Variants in CD59 observed in about 807,000 individuals in gnomAD.
The protein encoded by CD59 is CD59 molecule (CD59 blood group).
Under a neutral mutation model 7.0 loss-of-function variants are expected in CD59, and 3 were observed. The observed-to-expected ratio is 0.43, with a 90% CI of 0.19 to 1.10. The LOEUF (loss-of-function observed/expected upper bound fraction) is 1.10. Ranked by LOEUF, CD59 falls within the 50% of genes least tolerant of loss-of-function variation. CD59 has a pLI of 0.29. For synonymous variants in CD59, 60 were observed against 62.0 expected, an observed-to-expected ratio of 0.97 and a Z score of 0.15; for missense variants, 143 against 151.0, an observed-to-expected ratio of 0.95 and a Z score of 0.28.
At chr11:33,730,215 G>A (rs1854376184) in intron 1 of CD59, among the ~76,000 whole-genome samples, 1 of 151,808 alleles carries the variant, frequency 6.6e-6, no homozygotes, top group African/African-American at 2.4e-5. Flanking sequence ...GATTGCTTGA[G>A]CCAAGAGTTT....
rs541886702 is a variant in CD59, at chr11:33,703,788, G to C, written c.*6338C>G. 1.3e-5 allele frequency: 2 copies of C among 152,390 alleles called. No individual in the cohort carries two copies. The highest frequency in any genetic ancestry group is 3.9e-4 in the East Asian group (2 of 5,192). 9.4% of individuals were successfully genotyped at this position (152,390 alleles called of 1,614,324 possible). On this transcript the variant is annotated 3_prime_UTR_variant, in exon 4 of 4. Coordinates refer to ENST00000642928, the MANE Select transcript of CD59 (RefSeq NM_000611.6). ...GGCAGTCATTGTTCCGCTGTCAGGA[G>C]GAGAGGGGCCAGAAGGGTCACACTG...
At chr11:33,721,095 A>G (rs968144325) in intron 2 of CD59, among the ~76,000 whole-genome samples, 3 of 152,248 alleles carry the variant, frequency 2.0e-5, no homozygotes, top group Admixed American at 2.0e-4. Context: ...GACAGAAAAA[A>G]AGAAGGAACC....
At chr11:33,720,111 C>T (rs10501127) in intron 2 of CD59, among the ~76,000 whole-genome samples, 1 of 152,126 alleles carries the variant, frequency 6.6e-6, no homozygotes, top group African/African-American at 2.4e-5. Context: ...CAAAAATATT[C>T]ATGGCAAACA....
chr11:33,721,489 T>C (rs988420778), intron 2 of CD59, among the ~76,000 whole-genome samples: 6 of 152,202 alleles, frequency 3.9e-5, no homozygotes, highest in African/African-American at 1.4e-4. Context: ...TGCCACTTTC[T>C]TTTCTGCTCC....
intron 3 of CD59, 130 bp from the exon 4 acceptor site, chr11:33,710,473 T>A: frequency 3.9e-6 from 3 of 760,496 alleles, no homozygotes. Context: ...TCATCCCAGG[T>A]GGGTTGTAAA....
chr11:33,706,551 T>TTA lies in CD59; in HGVS notation c.*3574_*3575insTA, dbSNP rs1853316115. ...AGAAAGTGAAAGTTCAGAAAGGGTT[T>TTA]AAAAAAAAAAAAAAAAAAAAACTTG... On this transcript the variant is annotated 3_prime_UTR_variant, in exon 4 of 4. Transcript: ENST00000642928. The TTA allele has an allele frequency of 8.0e-6, 1 of 125,098 alleles. No homozygotes were observed. Among genetic ancestry groups the TTA allele is most frequent in the Non-Finnish European group, 1.7e-5 (1 of 58,106 alleles). 7.7% of individuals were successfully genotyped at this position (125,098 alleles called of 1,614,324 possible).
At chr11:33,726,895 C>T (rs1405305528) in intron 1 of CD59, among the ~76,000 whole-genome samples, 1 of 152,244 alleles carries the variant, frequency 6.6e-6, no homozygotes, top group Non-Finnish European at 1.5e-5. Context: ...ACTGTAAACA[C>T]TTCTACGCAA....
intron 2 of CD59, among the ~76,000 whole-genome samples, chr11:33,722,087 G>A (rs1426951614): frequency 6.6e-6 from 1 of 152,072 alleles, no homozygotes; most frequent in Non-Finnish European, 1.5e-5. Flanking sequence ...ATCCATTGGT[G>A]TCCCCAAGCA....
rs1472095852 is a variant in CD59 at position 33,704,893 on chromosome 11, C to T, written c.*5233G>A. 6.6e-6 allele frequency: 1 copy of T among 152,592 alleles called. No individual in the cohort carries two copies. Among genetic ancestry groups the T allele is most frequent in the Non-Finnish European group, 1.5e-5 (1 of 68,048 alleles). The allele number at this position is 152,592 out of a possible 1,614,324, so 9.5% of individuals were successfully genotyped here. ...GCTATTCTGGGAAGCCCAGAACAGT[C>T]TTTCCTTTATTATTCATCTCAATTA... On this transcript the variant is annotated 3_prime_UTR_variant, in exon 4 of 4. Coordinates refer to ENST00000642928, the MANE Select transcript of CD59 (RefSeq NM_000611.6).
chr11:33,711,265 C>A, intron 3 of CD59: 1 of 598,112 alleles, frequency 1.7e-6, no homozygotes, highest in Non-Finnish European at 3.0e-6. Context: ...CGGGAAGTTT[C>A]AGACCAGCCT....
intron 2 of CD59, 107 bp downstream of exon 2, chr11:33,722,272 G>A (rs1854101908): frequency 3.5e-6 from 3 of 846,396 alleles, no homozygotes; most frequent in African/African-American, 1.7e-5. Context: ...GAAGGCAAAA[G>A]AACCAAAGCC....
chr11:33,729,935 T>C (rs1854366311), intron 1 of CD59, among the ~76,000 whole-genome samples: 1 of 152,170 alleles, frequency 6.6e-6, no homozygotes. Context: ...GGGGTCCATT[T>C]ATATGCAATT....
chr11:33,720,598 A>G (rs1854012230), intron 2 of CD59, among the ~76,000 whole-genome samples: 1 of 152,214 alleles, frequency 6.6e-6, no homozygotes, highest in Non-Finnish European at 1.5e-5. Flanking sequence ...GCATAGTGGC[A>G]TGCTCCTGTA....
At chr11:33,716,707 C>T (rs1853808338) in intron 3 of CD59, among the ~76,000 whole-genome samples, 1 of 152,220 alleles carries the variant, frequency 6.6e-6, no homozygotes, top group South Asian at 2.1e-4. Context: ...CTGGACAGGA[C>T]TTGTGCATGT....
chr11:33,724,520 G>T (rs1206786896), intron 1 of CD59, among the ~76,000 whole-genome samples: 1 of 152,164 alleles, frequency 6.6e-6, no homozygotes, highest in African/African-American at 2.4e-5. Context: ...ATAGCACAAT[G>T]CCTGGCCAAA....
At position 33,727,560 on chromosome 11, in the gene CD59, A is replaced by G. The variant is rs532472625; in HGVS notation, c.-18-5097T>C. Among the ~76,000 whole-genome samples the G allele has an allele frequency of 2.6e-5, 4 of 152,340 alleles. No individual in the cohort carries two copies. In the East Asian group the frequency reaches 5.8e-4, roughly 22 times the overall value. On this transcript the variant is annotated intron_variant, in intron 1 of 3. Transcript: ENST00000642928. ...AGCTATTTATGACAAACCCACAGCC[A>G]ATATCATACTGAATGGGCAAAAACT...
At chr11:33,718,944 T>TA (rs1853926851) in intron 2 of CD59, 1 of 152,232 alleles carries the variant, frequency 6.6e-6, no homozygotes, top group Admixed American at 6.5e-5. Flanking sequence ...AGAGATAAAC[T>TA]ATCTTCATGC....
chr11:33,710,422 C>T (rs555020378), intron 3 of CD59, 79 bp from the exon 4 acceptor site: 23 of 1,134,032 alleles, frequency 2.0e-5, no homozygotes, highest in African/African-American at 6.1e-5. Context: ...AATTCTATTT[C>T]GTATGTATCC....
intron 1 of CD59, among the ~76,000 whole-genome samples, chr11:33,731,659 G>A (rs1854421184): frequency 6.6e-6 from 1 of 152,202 alleles, no homozygotes. Flanking sequence ...CTGGTTCAGG[G>A]ATCACACTAA....
Sources: gnomAD v4.1 joint callset for allele counts (sites outside exome capture counted in the v4.1 genomes callset) on GRCh38, gnomAD v4.1.1 for gene constraint, MANE v1.5 for transcripts, NCBI Gene and HGNC (gene_info 2026-07-23, HGNC 2026-07-21) for gene names.